The following KCNH7 variants were observed in gnomAD, a reference collection of about 807,000 sequenced individuals.
KCNH7 encodes voltage-gated inwardly rectifying potassium channel KCNH7.
Under a neutral mutation model 120.8 loss-of-function variants are expected in KCNH7, and 49 were observed. The ratio of observed to expected loss-of-function variants is 0.41; its 90% CI spans 0.32 to 0.51. The LOEUF (loss-of-function observed/expected upper bound fraction) is 0.51. Ranked by LOEUF, KCNH7 falls within the 20% of genes least tolerant of loss-of-function variation. The pLI, the probability that KCNH7 is intolerant of heterozygous loss-of-function variation, is 0.38. For synonymous variants in KCNH7, 547 were observed against 516.1 expected (o/e 1.06, Z -0.81); for missense variants, 1,097 against 1,446.6 (o/e 0.76, Z 3.92).
At chr2:162,671,683 TA>T (rs1685365647) in intron 2 of KCNH7, among the ~76,000 whole-genome samples, 1 of 151,814 alleles carries the variant, frequency 6.6e-6, no homozygotes, top group African/African-American at 2.4e-5. Flanking sequence ...CTATGTAACA[TA>T]ACTGCATGAC....
chr2:162,519,924 C>A (rs1048526244), intron 3 of KCNH7, among the ~76,000 whole-genome samples: 1 of 151,716 alleles, frequency 6.6e-6, no homozygotes, highest in East Asian at 2.0e-4. Context: ...AACTCATGAA[C>A]ATTTCTCCAT....
chr2:162,794,315 A>G (rs983946651), intron 2 of KCNH7, among the ~76,000 whole-genome samples: 2 of 151,838 alleles, frequency 1.3e-5, no homozygotes, highest in African/African-American at 4.8e-5. Context: ...TTTACATGCC[A>G]GGAACTAACT....
chr2:162,671,332 GA>G (rs1685345438), intron 2 of KCNH7, among the ~76,000 whole-genome samples: 1 of 150,416 alleles, frequency 6.6e-6, no homozygotes, highest in African/African-American at 2.4e-5. Context: ...ATAATTGGAT[GA>G]AAAATGTGGA....
intron 6 of KCNH7, among the ~76,000 whole-genome samples, chr2:162,463,492 T>C (rs773183623): frequency 1.3e-5 from 2 of 151,954 alleles, no homozygotes; most frequent in Non-Finnish European, 2.9e-5. Context: ...CTAAACTCCC[T>C]GATGGCCTTA....
At chr2:162,647,257 G>T (rs1412973529) in intron 2 of KCNH7, among the ~76,000 whole-genome samples, 1 of 152,148 alleles carries the variant, frequency 6.6e-6, no homozygotes, top group Non-Finnish European at 1.5e-5. Flanking sequence ...CTCAACCAGG[G>T]CTCTGACGTG....
At chr2:162,468,537 TTC>T (rs1491286719) in intron 6 of KCNH7, among the ~76,000 whole-genome samples, 71 of 144,246 alleles carry the variant, frequency 4.9e-4, no homozygotes, top group Non-Finnish European at 8.7e-4. Flanking sequence ...TTTTTTTTTT[TTC>T]AGACGGAGTC....
rs6757850 is a variant in KCNH7 at position 162,384,777 on chromosome 2, C to A, written c.2873G>T (p.Gly958Val). Residue 958 changes from glycine to valine, a missense_variant, in exon 13 of 16, where the codon GGA (glycine) becomes GTA (valine). This residue lies in a region of KCNH7 where 406 missense variants were observed against 410.5 expected (regional missense o/e 0.99). Transcript: ENST00000332142. Reference sequence around the variant, plus strand: ...ATCGAGCCCAGATGCTTTCCCTATTCCTGGAGAAGAGTCTACTATTCCTGA... The same window carrying A: ...ATCGAGCCCAGATGCTTTCCCTATTACTGGAGAAGAGTCTACTATTCCTGA... ...LFSGIVDSSP[G>V]IGKASGLDFE... is the part of the protein sequence containing the mutation. 11 of 1,612,634 alleles carry A rather than the reference C, an allele frequency of 6.8e-6. No individual in the cohort carries two copies. In the East Asian group the frequency reaches 2.5e-4, roughly 36 times the overall value.
At chr2:162,456,201 A>G (rs970032141) in intron 6 of KCNH7, among the ~76,000 whole-genome samples, 1 of 152,090 alleles carries the variant, frequency 6.6e-6, no homozygotes, top group Non-Finnish European at 1.5e-5. Flanking sequence ...TCTACTCAGC[A>G]GTCATTCAGG....
chr2:162,625,489 A>G (rs79095119), intron 2 of KCNH7, among the ~76,000 whole-genome samples: 1 of 152,114 alleles, frequency 6.6e-6, no homozygotes, highest in African/African-American at 2.4e-5. Context: ...CTAGCAGGGG[A>G]GGAAGCATTT....
At chr2:162,438,018 T>G (rs1199816253) in intron 7 of KCNH7, among the ~76,000 whole-genome samples, 1 of 152,172 alleles carries the variant, frequency 6.6e-6, no homozygotes, top group Non-Finnish European at 1.5e-5. Flanking sequence ...AATTCTACTT[T>G]CTGTTTATTT....
intron 2 of KCNH7, among the ~76,000 whole-genome samples, chr2:162,707,275 T>G (rs892253216): frequency 3.3e-5 from 5 of 152,068 alleles, no homozygotes; most frequent in African/African-American, 4.8e-5. Context: ...ATTCATAAAT[T>G]TTAATAAAAG....
intron 2 of KCNH7, among the ~76,000 whole-genome samples, chr2:162,631,912 C>T (rs182078736): frequency 6.6e-6 from 1 of 151,990 alleles, no homozygotes; most frequent in Non-Finnish European, 1.5e-5. Flanking sequence ...AGATTATCTA[C>T]CAGAAACCCA....
Position 162,602,894 on chromosome 2 carries a change from T to TGAG in KCNH7, c.308-65817_308-65815dup, listed in dbSNP as rs145044353. ...CTTTCAGAATTAAGACGTAAAAATG[T>TGAG]GAGGAGGAGGAGGAGGAGGAGGGTG... On this transcript the variant is annotated intron_variant, in intron 2 of 15. Transcript: ENST00000332142. Among the ~76,000 whole-genome samples, 144 of 147,460 alleles carry TGAG rather than the reference T, an allele frequency of 9.8e-4. 1 individual carries two copies. Among genetic ancestry groups the TGAG allele is most frequent in the African/African-American group, 3.1e-3 (125 of 40,206 alleles).
chr2:162,783,725 C>T (rs1318023522), intron 2 of KCNH7, among the ~76,000 whole-genome samples: 1 of 152,146 alleles, frequency 6.6e-6, no homozygotes, highest in Non-Finnish European at 1.5e-5. Flanking sequence ...TTTTGCCAAT[C>T]CTTTTAGCAG....
At chr2:162,704,044 C>T (rs1686607497) in intron 2 of KCNH7, among the ~76,000 whole-genome samples, 1 of 152,002 alleles carries the variant, frequency 6.6e-6, no homozygotes, top group Non-Finnish European at 1.5e-5. Context: ...GTGATTTCTG[C>T]TACACATTTT....
intron 1 of KCNH7, among the ~76,000 whole-genome samples, 168 bp downstream of exon 1, chr2:162,838,275 A>G (rs112737824): frequency 5.3e-5 from 8 of 152,304 alleles, no homozygotes; most frequent in African/African-American, 1.9e-4. Flanking sequence ...ATCAAAATTA[A>G]TATCAGAAGA....
chr2:162,478,173 G>A (rs531229623), intron 6 of KCNH7, among the ~76,000 whole-genome samples: 62 of 152,218 alleles, frequency 4.1e-4, no homozygotes, highest in Middle Eastern at 3.4e-3. Flanking sequence ...ACCGGGCCTT[G>A]GAAAGGTCTT....
At chr2:162,751,700 A>T (rs906529994) in intron 2 of KCNH7, among the ~76,000 whole-genome samples, 1 of 151,922 alleles carries the variant, frequency 6.6e-6, no homozygotes, top group African/African-American at 2.4e-5. Context: ...TTTAAGCTTG[A>T]TTAAATATTA....
intron 5 of KCNH7, among the ~76,000 whole-genome samples, chr2:162,512,309 T>C (rs1421532066): frequency 6.6e-6 from 1 of 151,922 alleles, no homozygotes; most frequent in South Asian, 2.1e-4. Flanking sequence ...TGCACTCAAA[T>C]TTTTTGTTTT....
Sources: allele counts gnomAD v4.1 joint callset (sites outside exome capture counted in the v4.1 genomes callset), GRCh38; gene constraint gnomAD v4.1.1; regional missense constraint gnomAD v4.1.1; transcripts MANE v1.5; gene names NCBI Gene and HGNC (gene_info 2026-07-23, HGNC 2026-07-21).